The following NSUN6 variants were observed in gnomAD, a reference collection of about 807,000 sequenced individuals.
The protein encoded by NSUN6 is tRNA (cytosine(72)-C(5))-methyltransferase NSUN6.
NSUN6 carries 64 observed loss-of-function variants against 58.0 expected under a neutral mutation model. That is an observed-to-expected ratio of 1.10 (90% confidence interval 0.90 to 1.36). The LOEUF (loss-of-function observed/expected upper bound fraction) is 1.36. Ranked by LOEUF, NSUN6 falls within the 40% of genes most tolerant of loss-of-function variation. The probability of loss-of-function intolerance (pLI) is 0.00; values close to 1 mark genes in which losing one functional copy is unlikely to be tolerated. For synonymous variants in NSUN6, 231 were observed against 193.9 expected, an observed-to-expected ratio of 1.19 and a Z score of -1.59; for missense variants, 701 against 550.1, an observed-to-expected ratio of 1.27 and a Z score of -2.74.
upstream of NSUN6, chr10:18,659,107 A>G (rs896124735): frequency 1.3e-5 from 2 of 153,626 alleles, no homozygotes. Flanking sequence ...CAGAGACTCA[A>G]ATCAAAGGGG....
intron 8 of NSUN6, among the ~76,000 whole-genome samples, chr10:18,571,617 C>G (rs138815826): frequency 0.013 from 1,730 of 137,016 alleles, 22 homozygotes; most frequent in Non-Finnish European, 0.021. Context: ...TTCCATTCTC[C>G]CATTCCATTC....
intron 8 of NSUN6, among the ~76,000 whole-genome samples, chr10:18,564,872 A>C (rs2130908022): frequency 6.7e-6 from 1 of 148,266 alleles, no homozygotes; most frequent in South Asian, 2.1e-4. Flanking sequence ...ATTCCATTCC[A>C]GTCTCCATTC....
At position 18,614,630 on chromosome 10, in the gene NSUN6, AT is replaced by A. The variant is rs1339877414; in HGVS notation, c.422-18del. 1.6e-6 allele frequency: 2 copies of A among 1,286,392 alleles called. No homozygotes were observed. Among genetic ancestry groups the A allele is most frequent in the Middle Eastern group, 2.0e-4 (1 of 5,056 alleles). 79.7% of individuals were successfully genotyped at this position (1,286,392 alleles called of 1,614,324 possible). A position where few individuals can be genotyped will look rare whatever the true frequency, so the allele number is the denominator to read the frequency against. ...CTTTCATAACTAGAGAAAGAAGAAAATCAGATTACACTGATTTATACTTTGG... is the reference window on the plus strand; with the variant it reads ...CTTTCATAACTAGAGAAAGAAGAAAACAGATTACACTGATTTATACTTTGG... On this transcript the variant is annotated intron_variant, in intron 4 of 10. Transcript: ENST00000377304.
chr10:18,600,959 T>TATATATATGTATATATATATATATAC, intron 6 of NSUN6, among the ~76,000 whole-genome samples: 1 of 64,924 alleles, frequency 1.5e-5, no homozygotes, highest in African/African-American at 5.3e-5. Context: ...TATATATATA[T>TATATATATGTATATATATATATATAC]ACATATATAT....
chr10:18,587,866 G>A (rs1333163871), intron 7 of NSUN6, among the ~76,000 whole-genome samples: 7 of 152,070 alleles, frequency 4.6e-5, no homozygotes, highest in African/African-American at 9.7e-5. Context: ...GGCAGGCACC[G>A]AGCTAGCTGT....
chr10:18,657,892 A>G (rs1321510211), upstream of NSUN6, among the ~76,000 whole-genome samples: 4 of 152,092 alleles, frequency 2.6e-5, no homozygotes, highest in Non-Finnish European at 5.9e-5. Flanking sequence ...GATTACAAGC[A>G]TGAGCCCCAG....
At chr10:18,585,394 A>G (rs1307417650) in intron 8 of NSUN6, among the ~76,000 whole-genome samples, 1 of 152,248 alleles carries the variant, frequency 6.6e-6, no homozygotes, top group Non-Finnish European at 1.5e-5. Flanking sequence ...CCCAACAGTC[A>G]AGATATGGAA....
chr10:18,631,676 G>A (rs1412431523), intron 3 of NSUN6, among the ~76,000 whole-genome samples: 9 of 145,746 alleles, frequency 6.2e-5, no homozygotes, highest in African/African-American at 7.7e-5. Flanking sequence ...AGAATAAAAT[G>A]CCTAGGAATC....
At chr10:18,628,992 G>A (rs1226526626) in intron 3 of NSUN6, among the ~76,000 whole-genome samples, 1 of 152,204 alleles carries the variant, frequency 6.6e-6, no homozygotes, top group East Asian at 1.9e-4. Context: ...AAATGTTCAG[G>A]GCAGCCAGAG....
rs550815745 is a variant in NSUN6, at chr10:18,545,910, A to G, written c.*23T>C. 4 of 1,279,888 alleles carry G rather than the reference A, an allele frequency of 3.1e-6. No homozygotes were observed. The highest frequency in any genetic ancestry group is 2.0e-5 in the Admixed American group (1 of 51,262). The allele number at this position is 1,279,888 out of a possible 1,614,324, so 79.3% of individuals were successfully genotyped here. ...CAGACAGCAAATGTTTGGAATTTTC[A>G]TTTCTGAGCATCCATCCCTCTCCTA... On this transcript the variant is annotated 3_prime_UTR_variant, in exon 11 of 11. Transcript: ENST00000377304.
chr10:18,655,132 G>C, upstream of NSUN6: 1 of 982,428 alleles, frequency 1.0e-6, no homozygotes, highest in Non-Finnish European at 1.2e-6. Context: ...ACTGTTGCCA[G>C]ACTTAAATCC....
chr10:18,578,568 T>C (rs186560709), intron 8 of NSUN6, among the ~76,000 whole-genome samples: 1 of 152,304 alleles, frequency 6.6e-6, no homozygotes, highest in African/African-American at 2.4e-5. Context: ...GGGCTCTCCG[T>C]TGCTTACAGC....
chr10:18,656,551 C>A (rs186831728), upstream of NSUN6, among the ~76,000 whole-genome samples: 25 of 152,174 alleles, frequency 1.6e-4, no homozygotes, highest in African/African-American at 5.3e-4. Context: ...AAGCAATGGA[C>A]AAATTGATCA....
At chr10:18,657,409 C>T (rs1290241192), upstream of NSUN6, among the ~76,000 whole-genome samples, 3 of 152,066 alleles carry the variant, frequency 2.0e-5, no homozygotes, top group Admixed American at 6.5e-5. Flanking sequence ...TTTTAACGAA[C>T]TGAAAACTTC....
intron 6 of NSUN6, among the ~76,000 whole-genome samples, chr10:18,608,505 C>T (rs2058117750): frequency 6.6e-6 from 1 of 151,668 alleles, no homozygotes; most frequent in African/African-American, 2.4e-5. Flanking sequence ...GGTGCGGTGG[C>T]GCATGCTGTA....
rs191112723 is a variant in NSUN6 at position 18,589,443 on chromosome 10, G to A, written c.778-3350C>T. Among the ~76,000 whole-genome samples, 200 of 152,154 alleles carry A rather than the reference G, an allele frequency of 1.3e-3. 1 individual carries two copies. The highest frequency in any genetic ancestry group is 6.8e-3 in the Middle Eastern group (2 of 294). Reference sequence around the variant, plus strand: ...ACACCACTAAGATACCCCTCAAGAAGAGCAACCCCAAGACACATAATCAGA... The same window carrying A: ...ACACCACTAAGATACCCCTCAAGAAAAGCAACCCCAAGACACATAATCAGA... On this transcript the variant is annotated intron_variant, in intron 7 of 10. Coordinates refer to ENST00000377304, the MANE Select transcript of NSUN6 (RefSeq NM_182543.5).
At chr10:18,560,465 T>C (rs1436749894) in intron 8 of NSUN6, among the ~76,000 whole-genome samples, 9 of 146,668 alleles carry the variant, frequency 6.1e-5, no homozygotes, top group East Asian at 2.0e-4. Flanking sequence ...CACTGGTGAA[T>C]AGAAAGGAAT....
chr10:18,577,719 A>T (rs1015314881), intron 8 of NSUN6, among the ~76,000 whole-genome samples: 4 of 152,202 alleles, frequency 2.6e-5, no homozygotes, highest in Admixed American at 2.0e-4. Context: ...TTGGCCTTCT[A>T]CTTTTAAACT....
chr10:18,552,327 A>G (rs1356423144), intron 8 of NSUN6, among the ~76,000 whole-genome samples: 1 of 152,100 alleles, frequency 6.6e-6, no homozygotes. Flanking sequence ...GGTAATTCCT[A>G]TTGAAGACAG....
Sources: allele counts gnomAD v4.1 joint callset (sites outside exome capture counted in the v4.1 genomes callset), GRCh38; gene constraint gnomAD v4.1.1; transcripts MANE v1.5; gene names NCBI Gene and HGNC (gene_info 2026-07-23, HGNC 2026-07-21).